CCDC73: variants seen among roughly 807,000 people sequenced by gnomAD.
CCDC73 encodes coiled-coil domain containing 73, also known as coiled-coil domain-containing protein 73.
In CCDC73, 95 loss-of-function variants were observed where a neutral mutation model predicts 116.5. The observed-to-expected ratio is 0.82, with a 90% confidence interval of 0.69 to 0.97. The LOEUF (loss-of-function observed/expected upper bound fraction) is 0.97, where lower values mean the gene tolerates loss of function less well. Among genes scored for constraint, CCDC73 ranks in the 50% least tolerant of loss-of-function variants. The probability of loss-of-function intolerance (pLI) is 0.00; values close to 1 mark genes in which losing one functional copy is unlikely to be tolerated. For missense variants in CCDC73, 1,066 were observed against 1,206.8 expected (o/e 0.88, Z 1.73); for synonymous variants, 398 against 401.3 (o/e 0.99, Z 0.10).
intron 14 of CCDC73, among the ~76,000 whole-genome samples, chr11:32,622,268 A>G (rs1398383670): frequency 6.6e-6 from 1 of 152,216 alleles, no homozygotes; most frequent in Non-Finnish European, 1.5e-5. Flanking sequence ...CCAAATGTCC[A>G]TCAATGATAG....
At chr11:32,705,830 A>G (rs1325017773) in intron 3 of CCDC73, among the ~76,000 whole-genome samples, 2 of 152,230 alleles carry the variant, frequency 1.3e-5, no homozygotes, top group Non-Finnish European at 2.9e-5. Context: ...TTAAATTGAT[A>G]GTCAGCATTT....
chr11:32,727,940 G>C (rs1480628752), intron 2 of CCDC73, among the ~76,000 whole-genome samples: 1 of 151,946 alleles, frequency 6.6e-6, no homozygotes, highest in Admixed American at 6.6e-5. Flanking sequence ...ACATTTAATA[G>C]CTGAAATTCT....
upstream of CCDC73, chr11:32,794,704 G>A (rs1311918838): frequency 6.6e-6 from 1 of 152,252 alleles, no homozygotes; most frequent in African/African-American, 2.4e-5. Context: ...ATTAGCCTAA[G>A]ATACGTGGGT....
intron 14 of CCDC73, among the ~76,000 whole-genome samples, chr11:32,622,171 A>G (rs11031900): frequency 0.1 from 15,447 of 152,258 alleles, 1,056 homozygotes; most frequent in Non-Finnish European, 0.15. Context: ...GTATATACAC[A>G]AAGGAATATG....
At position 32,699,200 on chromosome 11, in the gene CCDC73, A is replaced by G. The variant is rs191444444; in HGVS notation, c.390+51T>C. On this transcript the variant is annotated intron_variant, in intron 6 of 17. Transcript: ENST00000335185. ...ACATATCTAAAGGCATTTTACTGAT[A>G]TAATGCTAAAATACCAAACTACTTT... 5.8e-4 allele frequency: 884 copies of G among 1,513,178 alleles called. 10 individuals carry two copies. The highest frequency in any genetic ancestry group is 3.2e-5 in the Non-Finnish European group (36 of 1,123,948). 93.7% of individuals were successfully genotyped at this position (1,513,178 alleles called of 1,614,324 possible). A position where few individuals can be genotyped will look rare whatever the true frequency, so the allele number is the denominator to read the frequency against.
At chr11:32,823,291 T>TG in the CCDC73 span, among the ~76,000 whole-genome samples, 3 of 152,104 alleles carry the variant, frequency 2.0e-5, no homozygotes, top group Admixed American at 1.3e-4. Context: ...CTGACTAACA[T>TG]GGTGAAACCC....
chr11:32,740,602 A>C (rs1412490953), intron 2 of CCDC73, among the ~76,000 whole-genome samples: 1 of 151,806 alleles, frequency 6.6e-6, no homozygotes, highest in Non-Finnish European at 1.5e-5. Context: ...TCTGGATAAC[A>C]GTTTGTCAAT....
At chr11:32,695,586 G>C (rs1856303013) in intron 6 of CCDC73, among the ~76,000 whole-genome samples, 1 of 152,138 alleles carries the variant, frequency 6.6e-6, no homozygotes, top group Non-Finnish European at 1.5e-5. Context: ...CTTTGAAGCA[G>C]AATTGATTGC....
At chr11:32,680,074 A>C (rs1364047106) in intron 7 of CCDC73, 1 of 152,218 alleles carries the variant, frequency 6.6e-6, no homozygotes, top group East Asian at 1.9e-4. Context: ...ATATTAGCCC[A>C]TATATGCCTA....
At chr11:32,766,154 T>C (rs1358139603) in intron 1 of CCDC73, among the ~76,000 whole-genome samples, 1 of 152,182 alleles carries the variant, frequency 6.6e-6, no homozygotes, top group African/African-American at 2.4e-5. Context: ...TGGTTCAACA[T>C]ATGCAAATCA....
intron 14 of CCDC73, among the ~76,000 whole-genome samples, chr11:32,634,990 A>C (rs1428738220): frequency 6.6e-6 from 1 of 152,218 alleles, no homozygotes; most frequent in African/African-American, 2.4e-5. Flanking sequence ...AGCAAAGAAC[A>C]ATTATAAAAA....
At position 32,786,423 on chromosome 11, in the gene CCDC73, T is replaced by C. The variant is rs867625235; in HGVS notation, c.-16+8190A>G. Among the ~76,000 whole-genome samples, 202 of 119,916 alleles carry C rather than the reference T, an allele frequency of 1.7e-3. 1 individual carries two copies. Among genetic ancestry groups the C allele is most frequent in the African/African-American group, 6.2e-3 (193 of 31,074 alleles). 78.7% of individuals were successfully genotyped at this position (119,916 alleles called of 152,430 possible). A position where few individuals can be genotyped will look rare whatever the true frequency, so the allele number is the denominator to read the frequency against. ...ATATATAATAAATATATTATTTATATAATTATAATATATAATAAATATATT... is the reference window on the plus strand; with the variant it reads ...ATATATAATAAATATATTATTTATACAATTATAATATATAATAAATATATT... On this transcript the variant is annotated intron_variant, in intron 1 of 17. Transcript: ENST00000335185.
the CCDC73 span, among the ~76,000 whole-genome samples, chr11:32,801,057 T>C: frequency 9.2e-5 from 14 of 152,320 alleles, no homozygotes; most frequent in South Asian, 1.2e-3. Context: ...TCCATCCTCA[T>C]ATAGGCAGCG....
intron 9 of CCDC73, among the ~76,000 whole-genome samples, chr11:32,674,902 T>G (rs2133286583): frequency 6.6e-6 from 1 of 152,276 alleles, no homozygotes; most frequent in South Asian, 2.1e-4. Context: ...AAATAAATGT[T>G]CGATTCACAG....
At chr11:32,747,029 C>G (rs1342698538) in intron 2 of CCDC73, among the ~76,000 whole-genome samples, 3 of 152,174 alleles carry the variant, frequency 2.0e-5, no homozygotes, top group Admixed American at 2.0e-4. Context: ...AATTCTCAGC[C>G]TTTCTGCTCT....
intron 9 of CCDC73, among the ~76,000 whole-genome samples, chr11:32,657,562 T>C (rs1239824717): frequency 6.6e-6 from 1 of 152,164 alleles, no homozygotes; most frequent in Non-Finnish European, 1.5e-5. Context: ...CTGTGCCCTA[T>C]GTGGCTGATA....
At chr11:32,794,737 A>G (rs966195649), upstream of CCDC73, 8 of 152,234 alleles carry the variant, frequency 5.3e-5, no homozygotes, top group Admixed American at 3.9e-4. Context: ...CTGGGGCAAA[A>G]TATGATTGAT....
intron 1 of CCDC73, among the ~76,000 whole-genome samples, chr11:32,790,665 G>C (rs1850667129): frequency 8.0e-6 from 1 of 124,512 alleles, no homozygotes; most frequent in African/African-American, 2.8e-5. Flanking sequence ...ATTTCTCCTT[G>C]TTTTAAGAAA....
At chr11:32,714,372 CA>C (rs902289520) in intron 3 of CCDC73, among the ~76,000 whole-genome samples, 2 of 152,060 alleles carry the variant, frequency 1.3e-5, no homozygotes, top group African/African-American at 4.8e-5. Flanking sequence ...TTACTTCAGA[CA>C]AATGTGGCAA....
Sources: allele counts gnomAD v4.1 joint callset (sites outside exome capture counted in the v4.1 genomes callset), GRCh38; gene constraint gnomAD v4.1.1; transcripts MANE v1.5; gene names NCBI Gene and HGNC (gene_info 2026-07-23, HGNC 2026-07-21).